DDX21: variants seen among roughly 807,000 people sequenced by gnomAD.
The protein encoded by DDX21 is nucleolar RNA helicase 2.
DDX21 carries 18 observed loss-of-function variants against 90.0 expected under a neutral mutation model. That is an observed-to-expected ratio of 0.20 (90% confidence interval 0.14 to 0.30). The LOEUF (loss-of-function observed/expected upper bound fraction) is 0.30, where lower values mean the gene tolerates loss of function less well. Ranked by LOEUF, DDX21 falls within the 10% of genes least tolerant of loss-of-function variation. DDX21 has a pLI of 1.00. For missense variants in DDX21, 673 were observed against 944.5 expected, an observed-to-expected ratio of 0.71 and a Z score of 3.77; for synonymous variants, 294 against 318.0, an observed-to-expected ratio of 0.92 and a Z score of 0.80.
At position 68,956,323 on chromosome 10, in the gene DDX21, G is replaced by C; in HGVS notation, c.87+11G>C. On this transcript the variant is annotated intron_variant, in intron 1 of 14. Coordinates refer to ENST00000354185, the MANE Select transcript of DDX21 (RefSeq NM_004728.4). ...AAGCAAACCGAGGAGGTGAAACGGAGGGACCTGGGGCCAGGAGGGACGCTG... is the reference window on the plus strand; with the variant it reads ...AAGCAAACCGAGGAGGTGAAACGGACGGACCTGGGGCCAGGAGGGACGCTG... The C allele has an allele frequency of 6.2e-7, 1 of 1,614,042 alleles. No individual in the cohort carries two copies. The highest frequency in any genetic ancestry group is 1.1e-5 in the South Asian group (1 of 91,078).
chr10:68,958,688 T>C (rs1211805256), intron 1 of DDX21, among the ~76,000 whole-genome samples: 1 of 152,014 alleles, frequency 6.6e-6, no homozygotes, highest in African/African-American at 2.4e-5. Flanking sequence ...TCGCCCTCCT[T>C]GGCCTCCCAA....
rs1303316939 is a variant in DDX21 at position 68,956,204 on chromosome 10, G to T, written c.-22G>T. On this transcript the variant is annotated 5_prime_UTR_variant, in exon 1 of 15. Coordinates refer to ENST00000354185, the MANE Select transcript of DDX21 (RefSeq NM_004728.4). ...TCCACGCGGTTGAGAAGACCGGTCG[G>T]CCTGGGCAACCTGCGCTGAAGATGC... 5.6e-6 allele frequency: 9 copies of T among 1,613,000 alleles called. No homozygotes were observed. In the Admixed American group the frequency reaches 6.7e-5, roughly 12 times the overall value.
At chr10:68,956,376 G>C (rs1842794037) in intron 1 of DDX21, 64 bp downstream of exon 1, 6 of 1,604,760 alleles carry the variant, frequency 3.7e-6, no homozygotes, top group Non-Finnish European at 5.1e-6. Flanking sequence ...GGGTGCGGGA[G>C]AAGTGCCCGG....
chr10:68,969,422 G>A (rs1842990044), intron 7 of DDX21, among the ~76,000 whole-genome samples: 1 of 152,172 alleles, frequency 6.6e-6, no homozygotes, highest in African/African-American at 2.4e-5. Context: ...TGGGACTACA[G>A]GCATGCGCTA....
rs527255729 is a variant in DDX21 at position 68,970,082 on chromosome 10, T to C, written c.1237-119T>C. On this transcript the variant is annotated intron_variant, in intron 7 of 14. Coordinates refer to ENST00000354185, the MANE Select transcript of DDX21 (RefSeq NM_004728.4). ...GCAGACAGCTCTTATCAGGCTTGAGTAGTTGTTTCCAGGAGCAAGACATTA... is the reference window on the plus strand; with the variant it reads ...GCAGACAGCTCTTATCAGGCTTGAGCAGTTGTTTCCAGGAGCAAGACATTA... 1.0e-3 allele frequency: 982 copies of C among 946,744 alleles called. 2 individuals carry two copies. Among genetic ancestry groups the C allele is most frequent in the Non-Finnish European group, 9.1e-4 (597 of 654,322 alleles). 58.6% of individuals were successfully genotyped at this position (946,744 alleles called of 1,614,324 possible).
chr10:68,974,262 C>T (rs1406093648), intron 10 of DDX21, among the ~76,000 whole-genome samples: 1 of 152,176 alleles, frequency 6.6e-6, no homozygotes, highest in Non-Finnish European at 1.5e-5. Context: ...TCGGGTATTC[C>T]TCCCCCAAAT....
chr10:68,964,251 G>A (rs1009933857), intron 4 of DDX21: 16 of 265,746 alleles, frequency 6.0e-5, no homozygotes, highest in East Asian at 2.4e-4. Flanking sequence ...AAATGACTGC[G>A]AATGCCCATG....
At chr10:68,962,242 A>G in intron 3 of DDX21, 85 bp downstream of exon 3, 1 of 1,013,542 alleles carries the variant, frequency 9.9e-7, no homozygotes, top group Non-Finnish European at 1.5e-6. Flanking sequence ...ATGAACCAGG[A>G]TGTATTCTTA....
chr10:68,979,316 A>C (rs1254038067), intron 13 of DDX21, among the ~76,000 whole-genome samples: 1 of 152,222 alleles, frequency 6.6e-6, no homozygotes, highest in Non-Finnish European at 1.5e-5. Context: ...ATTCAAATTA[A>C]AAATGAAAAA....
At position 68,978,859 on chromosome 10, in the gene DDX21, C is replaced by T; in HGVS notation, c.1920C>T (p.Ile640=). The change falls in exon 13 of 15, where the codon ATC becomes ATT. Residue 640 remains isoleucine (I), a synonymous_variant. Transcript: ENST00000354185. ...INSNVGFVTM[I]LQCSIEMPNI... Reference sequence around the variant, plus strand: ...GTTGTAAGGGTTTTGTGACCATGATCTTGCAGTGCTCAATTGAAATGCCAA... The same window carrying T: ...GTTGTAAGGGTTTTGTGACCATGATTTTGCAGTGCTCAATTGAAATGCCAA... 6.2e-7 allele frequency: 1 copy of T among 1,613,900 alleles called. No individual in the cohort carries two copies. Among genetic ancestry groups the T allele is most frequent in the Non-Finnish European group, 8.5e-7 (1 of 1,179,854 alleles).
intron 12 of DDX21, among the ~76,000 whole-genome samples, chr10:68,978,480 TAGA>T (rs1288814236): frequency 1.3e-5 from 2 of 152,218 alleles, no homozygotes; most frequent in Non-Finnish European, 2.9e-5. Flanking sequence ...CTAGAAACTT[TAGA>T]AGGTGTATGC....
chr10:68,970,441 C>G (rs17471610), intron 8 of DDX21, 91 bp downstream of exon 8: 174,296 of 1,222,910 alleles, frequency 0.14, 12,812 homozygotes, highest in Admixed American at 0.21. Flanking sequence ...TTCATTCATT[C>G]AGTGAATACC....
chr10:68,963,518 C>T (rs1381155339), intron 4 of DDX21, 49 bp downstream of exon 4: 2 of 1,541,768 alleles, frequency 1.3e-6, no homozygotes, highest in Non-Finnish European at 1.7e-6. Flanking sequence ...GAAAAACCAC[C>T]ACTTGGGCAT....
chr10:68,982,948 A>G lies in DDX21; in HGVS notation c.*136A>G. On this transcript the variant is annotated 3_prime_UTR_variant, in exon 15 of 15. Transcript: ENST00000354185. Reference sequence around the variant, plus strand: ...TGCCAAGTCCCTGTCTCTTTCAGACACAGACAAGCTTCATTTAAATTATTT... The same window carrying G: ...TGCCAAGTCCCTGTCTCTTTCAGACGCAGACAAGCTTCATTTAAATTATTT... 9.6e-7 allele frequency: 1 copy of G among 1,046,234 alleles called. No homozygotes were observed. The highest frequency in any genetic ancestry group is 1.4e-6 in the Non-Finnish European group (1 of 732,130). 64.8% of individuals were successfully genotyped at this position (1,046,234 alleles called of 1,614,324 possible).
intron 8 of DDX21, 133 bp downstream of exon 8, chr10:68,970,483 T>TA: frequency 2.1e-5 from 16 of 779,272 alleles, no homozygotes; most frequent in Non-Finnish European, 2.4e-5. Flanking sequence ...GAGAGGAAGC[T>TA]ACTTTTTTTT....
chr10:68,969,263 C>T lies in DDX21; in HGVS notation c.1236+142C>T, dbSNP rs188025634. The stretch of plus-strand genomic sequence containing the variant: ...CCAAGGAAAAATATTTCTATTTGAG[C>T]TGTATATGATATCTGTGTTTTTATT... On this transcript the variant is annotated intron_variant, in intron 7 of 14. Coordinates refer to ENST00000354185, the MANE Select transcript of DDX21 (RefSeq NM_004728.4). 3 of 856,092 alleles carry T rather than the reference C, an allele frequency of 3.5e-6. No individual in the cohort carries two copies. The East Asian group carries it at 8.4e-5, about 24-fold the overall frequency. 53.0% of individuals were successfully genotyped at this position (856,092 alleles called of 1,614,324 possible).
At chr10:68,974,867 T>A in intron 11 of DDX21, 124 bp downstream of exon 11, 1 of 670,702 alleles carries the variant, frequency 1.5e-6, no homozygotes, top group African/African-American at 1.8e-5. Context: ...AGGGTCTCAC[T>A]ATGTTGCCCA....
At chr10:68,967,325 C>A (rs940210534) in intron 6 of DDX21, 122 bp downstream of exon 6, 3 of 927,166 alleles carry the variant, frequency 3.2e-6, no homozygotes, top group Non-Finnish European at 4.7e-6. Flanking sequence ...AGGCACCCAC[C>A]ACCACGCCTG....
intron 11 of DDX21, among the ~76,000 whole-genome samples, chr10:68,975,284 A>G (rs939804797): frequency 6.6e-6 from 1 of 152,192 alleles, no homozygotes; most frequent in Non-Finnish European, 1.5e-5. Flanking sequence ...GGATTAGGTT[A>G]ATTAACAGTT....
Sources: gnomAD v4.1 joint callset for allele counts (sites outside exome capture counted in the v4.1 genomes callset) on GRCh38, gnomAD v4.1.1 for gene constraint, MANE v1.5 for transcripts, NCBI Gene and HGNC (gene_info 2026-07-23, HGNC 2026-07-21) for gene names.